The following NEB variants were observed in gnomAD, a reference collection of about 807,000 sequenced individuals.
NEB encodes nebulin.
NEB carries 512 observed loss-of-function variants against 952.2 expected under a neutral mutation model. The observed-to-expected ratio is 0.54, with a 90% CI of 0.50 to 0.58. The LOEUF (loss-of-function observed/expected upper bound fraction) is 0.58. Ranked by LOEUF, NEB falls within the 20% of genes least tolerant of loss-of-function variation. NEB has a pLI of 0.00. For missense variants in NEB, 8,428 were observed against 9,231.1 expected (o/e 0.91, Z 3.56); for synonymous variants, 2,900 against 3,149.8 (o/e 0.92, Z 2.66).
intron 131 of NEB, 45 bp downstream of exon 131, chr2:151,548,263 C>T (rs939504401): frequency 7.0e-7 from 1 of 1,425,920 alleles, no homozygotes; most frequent in Non-Finnish European, 9.9e-7. Context: ...AAAGCCATGG[C>T]TATTGAAACT....
chr2:151,704,851 A>G (rs2099698424), intron 13 of NEB, among the ~76,000 whole-genome samples: 1 of 152,190 alleles, frequency 6.6e-6, no homozygotes, highest in Non-Finnish European at 1.5e-5. Context: ...GGAGCTGTAG[A>G]CCGGAGCTGT....
intron 157 of NEB, 72 bp downstream of exon 157, chr2:151,516,387 C>T: frequency 9.8e-7 from 1 of 1,019,662 alleles, no homozygotes; most frequent in South Asian, 1.6e-5. Context: ...GGAAACTGGC[C>T]ATGTCATGGG....
intron 105 of NEB, among the ~76,000 whole-genome samples, chr2:151,577,074 C>G (rs903888475): frequency 6.6e-6 from 1 of 152,176 alleles, no homozygotes; most frequent in African/African-American, 2.4e-5. Flanking sequence ...CCAATGCAGA[C>G]TTTAAAGCAA....
intron 27 of NEB, among the ~76,000 whole-genome samples, chr2:151,686,144 T>C (rs1345296055): frequency 6.6e-6 from 1 of 152,218 alleles, no homozygotes; most frequent in Non-Finnish European, 1.5e-5. Flanking sequence ...TGTGGAAGTA[T>C]TTTTGAAGAA....
rs750276279 is a variant in NEB, at chr2:151,692,103, G to C, written c.2062C>G (p.Pro688Ala). 18 of 1,613,856 alleles carry C rather than the reference G, an allele frequency of 1.1e-5. No homozygotes were observed. In the Admixed American group the frequency reaches 3.0e-4, roughly 27 times the overall value. Residue 688 changes from proline (P) to alanine (A), a missense_variant, in exon 22 of 182, where the codon CCA (proline) becomes GCA (alanine). Transcript: ENST00000397345. Reference sequence around the variant, plus strand: ...ACTTTCATGCAGTGTGTGTGATATGGGTCCTCCATGCTGCCTACATAATGT... The same window carrying C: ...ACTTTCATGCAGTGTGTGTGATATGCGTCCTCCATGCTGCCTACATAATGT... ...LGHYVGSMED[P>A]YHTHCMKVAA... is the part of the protein sequence containing the mutation.
At position 151,561,636 on chromosome 2, in the gene NEB, AC is replaced by A. The variant is rs1306818020; in HGVS notation, c.18997-325del. 3.4e-5 allele frequency among the ~76,000 whole-genome samples: 5 copies of A among 148,254 alleles called. No individual in the cohort carries two copies. In the East Asian group the frequency reaches 9.9e-4, roughly 29 times the overall value. On this transcript the variant is annotated intron_variant, in intron 121 of 181. Transcript: ENST00000397345. ...ATTATTATACTTTAAGTTTTAGGGT[AC>A]ATGTGCACAATGTGCAGGTTAGTTA...
At chr2:151,638,112 T>G (rs1400411527) in intron 63 of NEB, among the ~76,000 whole-genome samples, 1 of 152,222 alleles carries the variant, frequency 6.6e-6, no homozygotes, top group African/African-American at 2.4e-5. Flanking sequence ...TGCCAATCTT[T>G]GAACAGAGAT....
rs1553905611 is a variant in NEB at position 151,617,487 on chromosome 2, A to AGAGAG, written c.11077-20_11077-19insCTCTC. 1,720 of 1,035,580 alleles carry AGAGAG rather than the reference A, an allele frequency of 1.7e-3. 1 individual carries two copies. Among genetic ancestry groups the AGAGAG allele is most frequent in the Non-Finnish European group, 2.0e-3 (1,477 of 737,582 alleles). 64.1% of individuals were successfully genotyped at this position (1,035,580 alleles called of 1,614,324 possible). ...ATAAGCGCTACAAAAAAAAAAAAAA[A>AGAGAG]AGAGAGAGAGAGAGAGAAAAATTAT... On this transcript the variant is annotated intron_variant, in intron 74 of 181. Coordinates refer to ENST00000397345, the MANE Select transcript of NEB (RefSeq NM_001164508.2).
Position 151,697,389 on chromosome 2 carries a change from G to A in NEB, c.1326C>T (p.Tyr442=). 1 of 1,613,930 alleles carries A rather than the reference G, an allele frequency of 6.2e-7. No homozygotes were observed. The highest frequency in any genetic ancestry group is 8.5e-7 in the Non-Finnish European group (1 of 1,179,852). ...CTGTGACTTTCATGCAGTGTGAATG[G>A]TATGGATCCTCGAAGCTGCCTACAT... The part of the protein sequence containing the change: ...GHYVGSFEDP[Y]HSHCMKVTAQ... The change falls in exon 15 of 182, where the codon TAC becomes TAT. Residue 442 remains tyrosine (Y), a synonymous_variant. Coordinates refer to ENST00000397345, the MANE Select transcript of NEB (RefSeq NM_001164508.2).
chr2:151,641,324 TTTTTG>T (rs543983879), intron 60 of NEB, among the ~76,000 whole-genome samples: 40 of 152,266 alleles, frequency 2.6e-4, no homozygotes, highest in African/African-American at 8.9e-4. Context: ...ATGACTGTTT[TTTTTG>T]TTTTGTTTTG....
intron 23 of NEB, 83 bp downstream of exon 23, chr2:151,691,781 G>T (rs1335748304): frequency 4.9e-6 from 5 of 1,016,876 alleles, no homozygotes; most frequent in Non-Finnish European, 7.6e-6. Context: ...CTAGATATTA[G>T]CATGTAAACT....
chr2:151,507,184 G>A, intron 162 of NEB, 171 bp from the exon 163 acceptor site: 1 of 549,050 alleles, frequency 1.8e-6, no homozygotes, highest in South Asian at 2.5e-5. Flanking sequence ...ATTTTGTGGA[G>A]AAACTAATTT....
intron 107 of NEB, among the ~76,000 whole-genome samples, chr2:151,573,824 C>A (rs930860288): frequency 1.3e-5 from 2 of 152,114 alleles, no homozygotes; most frequent in Non-Finnish European, 2.9e-5. Flanking sequence ...GTGTAGCCAG[C>A]CACGTAACTG....
chr2:151,494,053 T>C, intron 174 of NEB, 108 bp downstream of exon 174: 1 of 1,010,712 alleles, frequency 9.9e-7, no homozygotes, highest in Non-Finnish European at 1.5e-6. Context: ...CAGATGCAAA[T>C]GTAACTGGCA....
intron 71 of NEB, among the ~76,000 whole-genome samples, chr2:151,624,732 A>G (rs1333738070): frequency 6.6e-6 from 1 of 152,162 alleles, no homozygotes; most frequent in Non-Finnish European, 1.5e-5. Context: ...TTTTCTCTAA[A>G]AAAAAATGAA....
intron 119 of NEB, among the ~76,000 whole-genome samples, chr2:151,563,277 G>A (rs918340714): frequency 6.6e-6 from 1 of 152,138 alleles, no homozygotes; most frequent in African/African-American, 2.4e-5. Flanking sequence ...GGCCTCCAAA[G>A]TGCTGGGATT....
Position 151,724,318 on chromosome 2 carries a change from A to T in NEB, c.554T>A (p.Leu185His). The change falls in exon 8 of 182, where the codon CTT becomes CAT. Residue 185 changes from leucine to histidine, a missense_variant. Transcript: ENST00000397345. ...NWEDTKDKYL[L>H]PPDAPELVQA... ...GACAAGTTCAGGGGCATCAGGAGGA[A>T]GCAGGTACTTATCCTTGGTGTCTTC... is the stretch of plus-strand genomic sequence containing the variant. The T allele has an allele frequency of 6.2e-7, 1 of 1,613,174 alleles. No homozygotes were observed.
Position 151,644,490 on chromosome 2 carries a change from G to A in NEB, c.7622C>T (p.Ala2541Val), listed in dbSNP as rs1422793730. The part of the protein sequence containing the change: ...VDAIPIKAAK[A>V]SREIASEYKY... ...TACTTCACTGGCAATTTCCCGGGAG[G>A]CTTTTGCTGCTTTGATTGGTATGGC... Residue 2541 changes from alanine (A) to valine (V), a missense_variant, in exon 56 of 182, where the codon GCC (alanine) becomes GTC (valine). Transcript: ENST00000397345. 1 of 1,613,558 alleles carries A rather than the reference G, an allele frequency of 6.2e-7. No individual in the cohort carries two copies. Among genetic ancestry groups the A allele is most frequent in the South Asian group, 1.1e-5 (1 of 91,066 alleles).
At chr2:151,639,434 T>A (rs1469156425) in intron 62 of NEB, 50 bp from the exon 63 acceptor site, 1 of 1,346,038 alleles carries the variant, frequency 7.4e-7, no homozygotes, top group Non-Finnish European at 9.9e-7. Context: ...CTGTGTATAG[T>A]TAATAGGAAT....
Sources: gnomAD v4.1 joint callset for allele counts (sites outside exome capture counted in the v4.1 genomes callset) on GRCh38, gnomAD v4.1.1 for gene constraint, MANE v1.5 for transcripts, NCBI Gene and HGNC (gene_info 2026-07-23, HGNC 2026-07-21) for gene names.